The following CTNND2 variants were observed in gnomAD, a reference collection of about 807,000 sequenced individuals.
The protein encoded by CTNND2 is catenin delta 2.
In CTNND2, 22 loss-of-function variants were observed where a neutral mutation model predicts 144.4. The observed-to-expected ratio is 0.15, with a 90% confidence interval of 0.11 to 0.22. The LOEUF (loss-of-function observed/expected upper bound fraction) is 0.22. Among genes scored for constraint, CTNND2 ranks in the 10% least tolerant of loss-of-function variants. CTNND2 has a pLI of 1.00. For missense variants in CTNND2, 1,353 were observed against 1,618.8 expected (o/e 0.84, Z 2.82); for synonymous variants, 751 against 695.6 (o/e 1.08, Z -1.25).
chr5:11,435,250 T>C (rs993221414), intron 3 of CTNND2, among the ~76,000 whole-genome samples: 11 of 151,942 alleles, frequency 7.2e-5, no homozygotes, highest in Non-Finnish European at 4.4e-5. Context: ...ACCATTCCCC[T>C]GCCTCAGCCT....
At chr5:11,693,842 AG>A (rs1158036707) in intron 2 of CTNND2, among the ~76,000 whole-genome samples, 4 of 152,238 alleles carry the variant, frequency 2.6e-5, no homozygotes, top group African/African-American at 9.7e-5. Flanking sequence ...TATCGCTCCT[AG>A]GAGAAATAAA....
chr5:11,473,697 A>T (rs951019733), intron 3 of CTNND2, among the ~76,000 whole-genome samples: 11 of 152,228 alleles, frequency 7.2e-5, no homozygotes, highest in African/African-American at 2.4e-4. Context: ...AGGTGTGTCC[A>T]CAGGCAGAGC....
At chr5:11,649,478 C>G (rs1782537808) in intron 2 of CTNND2, among the ~76,000 whole-genome samples, 1 of 152,040 alleles carries the variant, frequency 6.6e-6, no homozygotes, top group Non-Finnish European at 1.5e-5. Flanking sequence ...CCACCACACT[C>G]AGCTAATTTT....
chr5:11,155,628 C>T (rs541334842), intron 12 of CTNND2, among the ~76,000 whole-genome samples: 1 of 152,172 alleles, frequency 6.6e-6, no homozygotes, highest in African/African-American at 2.4e-5. Context: ...GCTCTAACCC[C>T]CGCAACCCCA....
Position 11,057,913 on chromosome 5 carries a change from A to G in CTNND2, c.2788+24783T>C, listed in dbSNP as rs376760283. ...ACTCTTGTTATATTTTAAAAAAGAG[A>G]CTGGCAGGAATTTGCCCCTGCCCTA... On this transcript the variant is annotated intron_variant, in intron 16 of 21. Coordinates refer to ENST00000304623, the MANE Select transcript of CTNND2 (RefSeq NM_001332.4). Among the ~76,000 whole-genome samples, 5 of 152,298 alleles carry G rather than the reference A, an allele frequency of 3.3e-5. No homozygotes were observed. In the East Asian group the frequency reaches 7.7e-4, roughly 24 times the overall value.
chr5:11,317,131 A>C (rs1751592620), intron 9 of CTNND2, among the ~76,000 whole-genome samples: 1 of 152,222 alleles, frequency 6.6e-6, no homozygotes, highest in Non-Finnish European at 1.5e-5. Context: ...ACCATCTCAC[A>C]CCAGTTAGAA....
At chr5:11,690,914 A>G (rs543357454) in intron 2 of CTNND2, among the ~76,000 whole-genome samples, 1 of 152,332 alleles carries the variant, frequency 6.6e-6, no homozygotes, top group African/African-American at 2.4e-5. Context: ...ACAGCATATT[A>G]ACCTGAAAAC....
chr5:11,887,395 T>C (rs946855130), intron 1 of CTNND2, among the ~76,000 whole-genome samples: 3 of 152,108 alleles, frequency 2.0e-5, no homozygotes, highest in Non-Finnish European at 4.4e-5. Flanking sequence ...TGCTATTTAA[T>C]TAGAAATCAA....
chr5:11,001,876 A>C (rs1739999080), intron 18 of CTNND2, among the ~76,000 whole-genome samples: 2 of 152,102 alleles, frequency 1.3e-5, no homozygotes. Flanking sequence ...CCTCCTCTTT[A>C]ACCGGTCTGG....
intron 3 of CTNND2, among the ~76,000 whole-genome samples, chr5:11,451,999 A>G (rs949222362): frequency 2.0e-5 from 3 of 152,226 alleles, no homozygotes; most frequent in Non-Finnish European, 4.4e-5. Context: ...CATACGTTGC[A>G]TGGTGATTAC....
chr5:11,231,594 T>G (rs1462323018), intron 10 of CTNND2, among the ~76,000 whole-genome samples: 1 of 152,214 alleles, frequency 6.6e-6, no homozygotes, highest in Non-Finnish European at 1.5e-5. Flanking sequence ...GAGAGATGAT[T>G]TAGGTTATGT....
At chr5:11,783,967 T>A (rs1485508908) in intron 1 of CTNND2, among the ~76,000 whole-genome samples, 1 of 152,198 alleles carries the variant, frequency 6.6e-6, no homozygotes, top group African/African-American at 2.4e-5. Flanking sequence ...AGTAGACTTG[T>A]GAACCACCCT....
chr5:11,409,843 C>T (rs1427132478), intron 5 of CTNND2, among the ~76,000 whole-genome samples: 1 of 151,996 alleles, frequency 6.6e-6, no homozygotes, highest in African/African-American at 2.4e-5. Context: ...CAAATTTGAA[C>T]TTTTATTCTT....
At chr5:11,141,926 A>G (rs905031668) in intron 12 of CTNND2, among the ~76,000 whole-genome samples, 8 of 152,196 alleles carry the variant, frequency 5.3e-5, no homozygotes, top group African/African-American at 1.9e-4. Flanking sequence ...ATGGATTAAC[A>G]TTTTTATGGG....
intron 1 of CTNND2, among the ~76,000 whole-genome samples, chr5:11,801,419 T>C (rs1384774122): frequency 6.6e-6 from 1 of 152,240 alleles, no homozygotes; most frequent in African/African-American, 2.4e-5. Flanking sequence ...CAACAAAACC[T>C]GGGCTTTTCC....
intron 2 of CTNND2, among the ~76,000 whole-genome samples, chr5:11,572,664 T>C (rs1777655372): frequency 6.6e-6 from 1 of 152,104 alleles, no homozygotes; most frequent in Non-Finnish European, 1.5e-5. Flanking sequence ...TGACAGAGTC[T>C]CAGCAAATTA....
At chr5:11,712,400 T>A (rs553893824) in intron 2 of CTNND2, among the ~76,000 whole-genome samples, 100 of 152,294 alleles carry the variant, frequency 6.6e-4, no homozygotes, top group Non-Finnish European at 1.2e-3. Flanking sequence ...GACCTCTCTC[T>A]GAAGTTTCAC....
intron 8 of CTNND2, among the ~76,000 whole-genome samples, chr5:11,361,517 T>A (rs1464523778): frequency 1.3e-5 from 2 of 152,258 alleles, no homozygotes; most frequent in Non-Finnish European, 2.9e-5. Flanking sequence ...TTACTCAACA[T>A]CTCTGTGCCT....
At chr5:11,277,110 T>C (rs1419189416) in intron 9 of CTNND2, among the ~76,000 whole-genome samples, 1 of 152,238 alleles carries the variant, frequency 6.6e-6, no homozygotes, top group African/African-American at 2.4e-5. Context: ...TCCCTTACTA[T>C]GTAGAACAGC....
Sources: allele counts gnomAD v4.1 joint callset (sites outside exome capture counted in the v4.1 genomes callset), GRCh38; gene constraint gnomAD v4.1.1; transcripts MANE v1.5; gene names NCBI Gene and HGNC (gene_info 2026-07-23, HGNC 2026-07-21).